Variants in GPAT3 observed in about 807,000 individuals in gnomAD.
GPAT3 encodes 1-AGP acyltransferase 9.
A neutral mutation model predicts 58.8 loss-of-function variants in GPAT3; 53 were observed. The ratio of observed to expected loss-of-function variants is 0.90; its 90% confidence interval spans 0.72 to 1.13. The LOEUF is 1.13. GPAT3 is among the 50% of genes most tolerant of loss of function. GPAT3 has a pLI of 0.00. For missense variants in GPAT3, 511 were observed against 527.6 expected, an observed-to-expected ratio of 0.97 and a Z score of 0.31; for synonymous variants, 197 against 187.4, an observed-to-expected ratio of 1.05 and a Z score of -0.42.
intron 2 of GPAT3, among the ~76,000 whole-genome samples, chr4:83,556,068 C>T (rs552899664): frequency 6.6e-6 from 1 of 152,276 alleles, no homozygotes; most frequent in Admixed American, 6.5e-5. Flanking sequence ...GAATATTTAG[C>T]ATTACAATCA....
intron 2 of GPAT3, among the ~76,000 whole-genome samples, chr4:83,551,318 T>A (rs1724740455): frequency 6.6e-6 from 1 of 152,084 alleles, no homozygotes. Context: ...TATAATAACA[T>A]TTATTTAAAA....
At chr4:83,546,327 G>A (rs1169649090) in intron 2 of GPAT3, among the ~76,000 whole-genome samples, 1 of 151,680 alleles carries the variant, frequency 6.6e-6, no homozygotes, top group Non-Finnish European at 1.5e-5. Context: ...CAATTTGGCA[G>A]GTGATGGGAT....
At chr4:83,557,010 G>A (rs1724966911) in intron 2 of GPAT3, among the ~76,000 whole-genome samples, 1 of 152,046 alleles carries the variant, frequency 6.6e-6, no homozygotes, top group Non-Finnish European at 1.5e-5. Flanking sequence ...GATCTTTTTA[G>A]GACCTTTCTT....
chr4:83,552,815 A>AGGAGGT (rs1339155540), intron 2 of GPAT3, among the ~76,000 whole-genome samples: 3 of 152,186 alleles, frequency 2.0e-5, no homozygotes, highest in Non-Finnish European at 4.4e-5. Context: ...TGATGGTATT[A>AGGAGGT]GGAGGTGGGG....
chr4:83,586,956 C>T (rs772596020), intron 3 of GPAT3, among the ~76,000 whole-genome samples: 4 of 152,176 alleles, frequency 2.6e-5, no homozygotes, highest in Non-Finnish European at 4.4e-5. Flanking sequence ...GTGAAAATTT[C>T]CAGGCCTTCT....
rs992964271 is a variant in GPAT3, at chr4:83,568,160, A to G, written c.209-13402A>G. ...TAAAGTAAACTTTACCCTGTTTCAC[A>G]TTAAAAAAAAATTGATTGTAACTTG... On this transcript the variant is annotated intron_variant, in intron 2 of 11. Coordinates refer to ENST00000264409, the MANE Select transcript of GPAT3 (RefSeq NM_032717.5). Among the ~76,000 whole-genome samples the G allele has an allele frequency of 3.3e-5, 5 of 152,110 alleles. No individual in the cohort carries two copies. In the East Asian group the frequency reaches 9.6e-4, roughly 29 times the overall value.
chr4:83,581,095 C>CAAAAAA (rs35894737), intron 2 of GPAT3, among the ~76,000 whole-genome samples: 2 of 70,290 alleles, frequency 2.8e-5, no homozygotes, highest in East Asian at 3.6e-4. Context: ...GACTCCGTCT[C>CAAAAAA]AAAAAAAAAA....
intron 2 of GPAT3, among the ~76,000 whole-genome samples, chr4:83,551,744 A>G (rs1724757551): frequency 6.9e-6 from 1 of 145,622 alleles, no homozygotes; most frequent in Non-Finnish European, 1.5e-5. Flanking sequence ...GTGAGCCGAG[A>G]TTGCACCACT....
At chr4:83,576,412 TTTTA>T (rs35514780) in intron 2 of GPAT3, among the ~76,000 whole-genome samples, 5,019 of 142,642 alleles carry the variant, frequency 0.035, 98 homozygotes, top group South Asian at 0.047. Flanking sequence ...GAAAATATCA[TTTTA>T]TTTATTTATT....
At chr4:83,590,079 T>G in intron 5 of GPAT3, 120 bp from the exon 6 acceptor site, 1 of 792,068 alleles carries the variant, frequency 1.3e-6, no homozygotes, top group South Asian at 1.9e-5. Flanking sequence ...GGCAACAGAG[T>G]GAGACGCGAA....
intron 2 of GPAT3, among the ~76,000 whole-genome samples, chr4:83,547,283 T>C (rs10027723): frequency 0.33 from 43,984 of 134,820 alleles, 8,088 homozygotes; most frequent in Middle Eastern, 0.48. Flanking sequence ...GATGGAGTCT[T>C]GCTCTGTCAC....
intron 10 of GPAT3, 116 bp downstream of exon 10, chr4:83,598,295 A>AT: frequency 5.3e-6 from 7 of 1,327,658 alleles, no homozygotes; most frequent in African/African-American, 1.5e-5. Context: ...CAAATGGGTC[A>AT]TTTTTTTAAT....
intron 2 of GPAT3, among the ~76,000 whole-genome samples, chr4:83,579,009 C>CCCTTTCTTTCTTTCTTTCT (rs1560620797): frequency 9.5e-6 from 1 of 105,600 alleles, no homozygotes; most frequent in Non-Finnish European, 1.8e-5. Flanking sequence ...TCCTTCCTTC[C>CCCTTTCTTTCTTTCTTTCT]TTCTTTCCCT....
intron 2 of GPAT3, among the ~76,000 whole-genome samples, chr4:83,557,045 A>G (rs952911973): frequency 1.3e-5 from 2 of 152,172 alleles, no homozygotes; most frequent in African/African-American, 4.8e-5. Context: ...CCCATTCATG[A>G]GGGCTCCACC....
chr4:83,541,118 G>A (rs1724287567), intron 1 of GPAT3, among the ~76,000 whole-genome samples: 1 of 152,118 alleles, frequency 6.6e-6, no homozygotes, highest in Non-Finnish European at 1.5e-5. Flanking sequence ...TAGCTGCAAG[G>A]CACAGGCATG....
At chr4:83,593,166 C>CTTTTTTTTTTTTT (rs761351611) in intron 6 of GPAT3, among the ~76,000 whole-genome samples, 1,522 of 112,112 alleles carry the variant, frequency 0.014, 62 homozygotes, top group East Asian at 0.024. Flanking sequence ...CGAGCCAGGA[C>CTTTTTTTTTTTTT]TTTTTTTTTT....
intron 2 of GPAT3, among the ~76,000 whole-genome samples, chr4:83,562,224 T>TATATATAC (rs1725192261): frequency 1.6e-5 from 1 of 62,938 alleles, no homozygotes; most frequent in Admixed American, 1.7e-4. Context: ...TATATATATA[T>TATATATAC]AATATATATA....
At chr4:83,596,440 G>T (rs948466617) in intron 7 of GPAT3, among the ~76,000 whole-genome samples, 7 of 152,108 alleles carry the variant, frequency 4.6e-5, no homozygotes, top group African/African-American at 1.7e-4. Context: ...GGGCAACATG[G>T]TGAAATGCCA....
intron 2 of GPAT3, among the ~76,000 whole-genome samples, chr4:83,565,115 T>G (rs1172889055): frequency 6.6e-6 from 1 of 151,994 alleles, no homozygotes; most frequent in Non-Finnish European, 1.5e-5. Flanking sequence ...TATTTTATTT[T>G]TTTGAGATGG....
Sources: gnomAD v4.1 joint callset for allele counts (sites outside exome capture counted in the v4.1 genomes callset) on GRCh38, gnomAD v4.1.1 for gene constraint, MANE v1.5 for transcripts, NCBI Gene and HGNC (gene_info 2026-07-23, HGNC 2026-07-21) for gene names.